Variants in RLF observed in about 807,000 individuals in gnomAD.
RLF encodes RLF zinc finger.
In RLF, 7 loss-of-function variants were observed where a neutral mutation model predicts 162.9. The ratio of observed to expected loss-of-function variants is 0.04; its 90% CI spans 0.02 to 0.08. The LOEUF (loss-of-function observed/expected upper bound fraction) is 0.08, where lower values mean the gene tolerates loss of function less well. RLF is among the 10% of genes least tolerant of loss of function. The pLI is 1.00. For synonymous variants in RLF, 782 were observed against 791.5 expected (o/e 0.99, Z 0.20); for missense variants, 1,664 against 2,244.7 (o/e 0.74, Z 5.23).
chr1:40,184,898 A>G (rs1642453416), intron 1 of RLF, among the ~76,000 whole-genome samples: 1 of 152,036 alleles, frequency 6.6e-6, no homozygotes, highest in African/African-American at 2.4e-5. Flanking sequence ...TTTATCATTT[A>G]TTGCCCCTTT....
intron 4 of RLF, 107 bp downstream of exon 4, chr1:40,195,871 G>C (rs1368144431): frequency 1.0e-5 from 10 of 969,216 alleles, no homozygotes; most frequent in Non-Finnish European, 1.5e-5. Context: ...TAGTCTTTCT[G>C]TTTTTACTTT....
intron 5 of RLF, among the ~76,000 whole-genome samples, chr1:40,221,917 A>AAAAAAAAAAAAAAAAAAAAAAGAG (rs1486982312): frequency 2.7e-5 from 4 of 150,378 alleles, no homozygotes; most frequent in African/African-American, 9.9e-5. Context: ...AAAAAAAAAA[A>AAAAAAAAAAAAAAAAAAAAAAGAG]AGAGAAAGGA....
intron 5 of RLF, among the ~76,000 whole-genome samples, chr1:40,216,586 T>G (rs1018507057): frequency 6.6e-6 from 1 of 151,966 alleles, no homozygotes; most frequent in Non-Finnish European, 1.5e-5. Context: ...GAGGGTAATT[T>G]AAAAATTTCC....
At chr1:40,173,771 T>C (rs1642278571) in intron 1 of RLF, among the ~76,000 whole-genome samples, 1 of 152,184 alleles carries the variant, frequency 6.6e-6, no homozygotes, top group South Asian at 2.1e-4. Flanking sequence ...CACCTTGGCC[T>C]TCCGAAGTGC....
chr1:40,224,398 T>C (rs1029916441), intron 6 of RLF, among the ~76,000 whole-genome samples: 3 of 144,130 alleles, frequency 2.1e-5, no homozygotes, highest in African/African-American at 7.7e-5. Context: ...AACCTCCGCC[T>C]CCCGAGTAGC....
In RLF at chr1:40,237,958, C is replaced by T; in HGVS notation, c.3256C>T (p.Gln1086Ter). ...ACATGGATCTTTCTCAGGGTCATTG[C>T]AGGGGTACCCATCCAGTGGTGCTAA... ...ITHGSFSGSLQGYPSSGAKSL... is the reference protein window; with the variant it reads ...ITHGSFSGSL The change falls in exon 8 of 8, where the codon CAG becomes TAG. Residue 1086 changes from glutamine to a stop codon, truncating the protein, a stop_gained. Transcript: ENST00000372771. LOFTEE classifies it high-confidence loss of function. This position sits in a 1 kb window ranked among gnomAD's most constrained non-coding sequence, Gnocchi z 4.4. The T allele has an allele frequency of 6.2e-7, 1 of 1,614,092 alleles. No homozygotes were observed. Among genetic ancestry groups the T allele is most frequent in the Non-Finnish European group, 8.5e-7 (1 of 1,179,978 alleles).
intron 7 of RLF, among the ~76,000 whole-genome samples, chr1:40,233,720 C>G (rs942159390): frequency 6.6e-6 from 1 of 152,188 alleles, no homozygotes; most frequent in East Asian, 1.9e-4. Context: ...GGTAATGCCT[C>G]TCTTTCAAAA....
intron 6 of RLF, among the ~76,000 whole-genome samples, chr1:40,224,844 G>A (rs891658755): frequency 1.1e-4 from 16 of 151,086 alleles, no homozygotes; most frequent in South Asian, 2.1e-4. Flanking sequence ...AAAATTAGCC[G>A]GGCATTTTGG....
rs954633180 is a variant in RLF at position 40,161,428 on chromosome 1, C to G, written c.29C>G (p.Ala10Gly). 5.8e-6 allele frequency: 9 copies of G among 1,553,210 alleles called. No individual in the cohort carries two copies. The highest frequency in any genetic ancestry group is 1.4e-5 in the African/African-American group (1 of 70,628). The change falls in exon 1 of 8, where the codon GCT (alanine) becomes GGT (glycine). Residue 10 changes from alanine (A) to glycine (G), a missense_variant. Physicochemically the swap from Ala to Gly is moderately conservative, Grantham distance 60. Coordinates refer to ENST00000372771, the MANE Select transcript of RLF (RefSeq NM_012421.4). This position sits in a 1 kb window ranked among gnomAD's most constrained non-coding sequence, Gnocchi z 4.4. ...GCGGACGGAAAGGGAGACGCCGCCGCTGTCGCCGGGGCTGGGGCTGAGGCT... is the reference window on the plus strand; with the variant it reads ...GCGGACGGAAAGGGAGACGCCGCCGGTGTCGCCGGGGCTGGGGCTGAGGCT... MADGKGDAA[A>G]VAGAGAEAPA...
intron 2 of RLF, 117 bp downstream of exon 2, chr1:40,189,326 C>T: frequency 1.3e-6 from 1 of 768,942 alleles, no homozygotes; most frequent in Admixed American, 2.9e-5. Context: ...AGAGTCATAC[C>T]ATTGAATGAA....
chr1:40,227,752 C>A (rs149928806), intron 6 of RLF, among the ~76,000 whole-genome samples: 7,349 of 152,180 alleles, frequency 0.048, 582 homozygotes, highest in African/African-American at 0.17. Context: ...CACCTGTAAT[C>A]CCAGCAGTTT....
rs1377051299 is a variant in RLF, at chr1:40,237,935, A to T, written c.3233A>T (p.His1078Leu). The change falls in exon 8 of 8, where the codon CAT becomes CTT. Residue 1078 changes from histidine (H) to leucine (L), a missense_variant. Physicochemically the swap from His to Leu is moderately conservative, Grantham distance 99. Coordinates refer to ENST00000372771, the MANE Select transcript of RLF (RefSeq NM_012421.4). This position sits in a 1 kb window ranked among gnomAD's most constrained non-coding sequence, Gnocchi z 4.4. ...TTAAGCTTGAAAAACTCAATAACAC[A>T]TGGATCTTTCTCAGGGTCATTGCAG... ...KHLSLKNSIT[H>L]GSFSGSLQGY... is the part of the protein sequence containing the mutation. 2 of 1,614,116 alleles carry T rather than the reference A, an allele frequency of 1.2e-6. No individual in the cohort carries two copies. The highest frequency in any genetic ancestry group is 1.7e-6 in the Non-Finnish European group (2 of 1,179,976).
rs761374586 is a variant in RLF, at chr1:40,240,468, A to G, written c.*21A>G. The stretch of plus-strand genomic sequence containing the variant: ...CATAAGTAGCAATTTTGTTTTAGTA[A>G]CAGACTGGCTCCAACACTGCAACAT... On this transcript the variant is annotated 3_prime_UTR_variant, in exon 8 of 8. Transcript: ENST00000372771. The G allele has an allele frequency of 6.4e-7, 1 of 1,559,950 alleles. No homozygotes were observed. Among genetic ancestry groups the G allele is most frequent in the Admixed American group, 1.7e-5 (1 of 58,326 alleles).
At chr1:40,230,383 C>T (rs1643137171) in intron 6 of RLF, among the ~76,000 whole-genome samples, 2 of 152,016 alleles carry the variant, frequency 1.3e-5, no homozygotes, top group African/African-American at 2.4e-5. Context: ...TTAAAAGAGC[C>T]ACATGTATTA....
At position 40,190,370 on chromosome 1, in the gene RLF, T is replaced by C. The variant is rs111298090; in HGVS notation, c.393-402T>C. ...TTCCTCTGCAAGTGACAGAAACCTA[T>C]AGATAACAGTTACATATATTTATCA... On this transcript the variant is annotated intron_variant, in intron 2 of 7. Coordinates refer to ENST00000372771, the MANE Select transcript of RLF (RefSeq NM_012421.4). Among the ~76,000 whole-genome samples, 705 of 152,304 alleles carry C rather than the reference T, an allele frequency of 4.6e-3. 5 individuals are homozygous for C. The highest frequency in any genetic ancestry group is 0.016 in the African/African-American group (668 of 41,584).
At chr1:40,220,913 G>A (rs935256399) in intron 5 of RLF, among the ~76,000 whole-genome samples, 1 of 150,942 alleles carries the variant, frequency 6.6e-6, no homozygotes, top group African/African-American at 2.4e-5. Flanking sequence ...GATCACTGGA[G>A]GCCAGGAGTT....
Position 40,161,698 on chromosome 1 carries a change from G to C in RLF, c.237+62G>C, listed in dbSNP as rs1642087339. On this transcript the variant is annotated intron_variant, in intron 1 of 7. Coordinates refer to ENST00000372771, the MANE Select transcript of RLF (RefSeq NM_012421.4). This position sits in a 1 kb window ranked among gnomAD's most constrained non-coding sequence, Gnocchi z 4.4. ...GGGGAAGTCAGGGAAGGAGGCCCTG[G>C]ATCCTCTGTAAGCAGCCGGGTCCAA... 2 of 1,586,484 alleles carry C rather than the reference G, an allele frequency of 1.3e-6. No homozygotes were observed. The highest frequency in any genetic ancestry group is 1.7e-6 in the Non-Finnish European group (2 of 1,172,768).
At position 40,239,163 on chromosome 1, in the gene RLF, A is replaced by C; in HGVS notation, c.4461A>C (p.Leu1487=). 4.3e-6 allele frequency: 7 copies of C among 1,614,136 alleles called. No homozygotes were observed. Among genetic ancestry groups the C allele is most frequent in the Non-Finnish European group, 5.9e-6 (7 of 1,180,026 alleles). The change falls in exon 8 of 8, where the codon CTA becomes CTC. Residue 1487 remains leucine, a synonymous_variant. Transcript: ENST00000372771. ...GCCAGAAAGTAGCAAATGAGAGACTACTAAGGAGTGAAAAGGTATGTCAAA... is the reference window on the plus strand; with the variant it reads ...GCCAGAAAGTAGCAAATGAGAGACTCCTAAGGAGTGAAAAGGTATGTCAAA... ...FRSQKVANER[L]LRSEKVCQTA... is the part of the protein sequence containing the mutation.
intron 6 of RLF, among the ~76,000 whole-genome samples, chr1:40,223,949 C>A (rs777217588): frequency 6.6e-6 from 1 of 152,232 alleles, no homozygotes; most frequent in African/African-American, 2.4e-5. Flanking sequence ...CAGAGTTATA[C>A]CTCCTGTGAG....
Sources: allele counts gnomAD v4.1 joint callset (sites outside exome capture counted in the v4.1 genomes callset), GRCh38; gene constraint gnomAD v4.1.1; non-coding constraint Gnocchi (gnomAD v3.1); transcripts MANE v1.5; gene names NCBI Gene and HGNC (gene_info 2026-07-23, HGNC 2026-07-21).